The following TANC2 variants were observed in gnomAD, a reference collection of about 807,000 sequenced individuals.
TANC2 encodes tetratricopeptide repeat, ankyrin repeat and coiled-coil containing 2.
TANC2 carries 26 observed loss-of-function variants against 210.5 expected under a neutral mutation model. The ratio of observed to expected loss-of-function variants is 0.12; its 90% CI spans 0.09 to 0.17. The LOEUF (loss-of-function observed/expected upper bound fraction) is 0.17. Among genes scored for constraint, TANC2 ranks in the 10% least tolerant of loss-of-function variants. The pLI is 1.00. For missense variants in TANC2, 2,129 were observed against 2,608.9 expected (o/e 0.82, Z 4.01); for synonymous variants, 931 against 967.1 (o/e 0.96, Z 0.69).
At chr17:63,325,776 G>A (rs2045627967) in intron 11 of TANC2, among the ~76,000 whole-genome samples, 1 of 152,176 alleles carries the variant, frequency 6.6e-6, no homozygotes. Context: ...AATTTATAAG[G>A]TCAATTCAGA....
chr17:63,040,311 A>G (rs1039620434), intron 2 of TANC2, among the ~76,000 whole-genome samples: 2 of 152,202 alleles, frequency 1.3e-5, no homozygotes, highest in Admixed American at 6.6e-5. Flanking sequence ...GGTTTCTTGA[A>G]CAATGTTCAG....
chr17:62,983,976 C>A (rs986740494), intron 1 of TANC2, among the ~76,000 whole-genome samples: 4 of 151,816 alleles, frequency 2.6e-5, no homozygotes, highest in African/African-American at 9.7e-5. Context: ...GTTATGTTGG[C>A]CTTATACAAT....
At chr17:63,063,110 T>C (rs2036054836) in intron 2 of TANC2, among the ~76,000 whole-genome samples, 1 of 152,194 alleles carries the variant, frequency 6.6e-6, no homozygotes, top group Non-Finnish European at 1.5e-5. Context: ...GGAAACACTT[T>C]ACACATGTTT....
At chr17:63,103,302 A>G (rs894794668) in intron 4 of TANC2, among the ~76,000 whole-genome samples, 3 of 152,198 alleles carry the variant, frequency 2.0e-5, no homozygotes, top group African/African-American at 7.2e-5. Flanking sequence ...ATTTGCAGAT[A>G]TAGGTCCATT....
intron 18 of TANC2, among the ~76,000 whole-genome samples, chr17:63,398,307 T>G (rs1026397912): frequency 3.9e-5 from 6 of 152,008 alleles, no homozygotes; most frequent in African/African-American, 9.7e-5. Context: ...ACTTTTTTAA[T>G]TAGCCAGGTG....
intron 6 of TANC2, chr17:63,197,685 T>C (rs1462458554): frequency 1.3e-5 from 2 of 152,218 alleles, no homozygotes; most frequent in Non-Finnish European, 2.9e-5. Flanking sequence ...ATTTCCTCTT[T>C]AGCTTCTTAT....
chr17:63,395,612 C>A, intron 17 of TANC2, 131 bp from the exon 18 acceptor site: 1 of 759,412 alleles, frequency 1.3e-6, no homozygotes, highest in Non-Finnish European at 2.1e-6. Flanking sequence ...CCTGAATTTG[C>A]TCAGAGATTG....
At chr17:63,246,176 A>C (rs2146117227) in intron 8 of TANC2, among the ~76,000 whole-genome samples, 1 of 152,096 alleles carries the variant, frequency 6.6e-6, no homozygotes, top group Admixed American at 6.5e-5. Flanking sequence ...ACAAATAGAT[A>C]ATTTATTTAA....
At chr17:63,002,364 A>G (rs1179046320) in intron 1 of TANC2, among the ~76,000 whole-genome samples, 1 of 152,200 alleles carries the variant, frequency 6.6e-6, no homozygotes, top group Admixed American at 6.5e-5. Context: ...TAGTTATCGC[A>G]TGTATATCCA....
At position 63,420,151 on chromosome 17, in the gene TANC2, A is replaced by T. The variant is rs1411982789; in HGVS notation, c.4421A>T (p.Gln1474Leu). 6.4e-7 allele frequency: 1 copy of T among 1,560,734 alleles called. No homozygotes were observed. Among genetic ancestry groups the T allele is most frequent in the South Asian group, 1.2e-5 (1 of 85,002 alleles). ...CCGCCGCCACCGCAGCCTCAGCAGC[A>T]GTTGCCGGAAGAAGCAGAACCTGAG... Residue 1474 changes from glutamine to leucine, a missense_variant, in exon 28 of 28, where the codon CAG becomes CTG. By Grantham distance (113) the Gln-to-Leu change is moderately radical (BLOSUM62 -2). This residue lies in a region of TANC2 where 584 missense variants were observed against 627.3 expected (regional missense o/e 0.93). Transcript: ENST00000689528. This position sits in a 1 kb window ranked among gnomAD's most constrained non-coding sequence, Gnocchi z 4.2.
At position 63,412,066 on chromosome 17, in the gene TANC2, T is replaced by G. The variant is rs746505172; in HGVS notation, c.3834T>G (p.Asp1278Glu). The change falls in exon 23 of 28, where the codon GAT (aspartate) becomes GAG (glutamate). Residue 1278 changes from aspartate (D) to glutamate (E), a missense_variant. Asp to Glu is a conservative substitution (Grantham distance 45). Coordinates refer to ENST00000689528, the Ensembl canonical transcript of TANC2. The surrounding 1 kb of genome is among the most constrained non-coding windows in gnomAD (Gnocchi z 4.2). ...ACTACAGTGGAATGCGCCCTTTGGA[T>G]AGGGCAGTGGGGTGCCGGAACACTT... The G allele has an allele frequency of 6.2e-7, 1 of 1,613,872 alleles. No individual in the cohort carries two copies. Among genetic ancestry groups the G allele is most frequent in the Admixed American group, 1.7e-5 (1 of 60,018 alleles).
chr17:63,225,680 C>T (rs909616647), intron 7 of TANC2, among the ~76,000 whole-genome samples: 2 of 152,110 alleles, frequency 1.3e-5, no homozygotes, highest in East Asian at 3.9e-4. Flanking sequence ...GCATTTTTAC[C>T]TCATTCTTTA....
intron 3 of TANC2, among the ~76,000 whole-genome samples, chr17:63,097,085 G>C (rs1029273085): frequency 1.3e-5 from 2 of 151,270 alleles, no homozygotes; most frequent in African/African-American, 4.9e-5. Context: ...CTGTCACCCA[G>C]GCTAGAGTGC....
intron 1 of TANC2, among the ~76,000 whole-genome samples, chr17:62,997,116 CTTTT>C (rs74374010): frequency 5.0e-5 from 6 of 120,956 alleles, no homozygotes; most frequent in East Asian, 2.4e-4. Context: ...CACCCAGCCT[CTTTT>C]TTTTTTTTTT....
At chr17:63,256,255 T>C (rs916164794) in intron 8 of TANC2, among the ~76,000 whole-genome samples, 2 of 152,234 alleles carry the variant, frequency 1.3e-5, no homozygotes, top group Non-Finnish European at 2.9e-5. Flanking sequence ...TTCCTCTTAA[T>C]ACTGCTTTCA....
chr17:63,158,282 T>C (rs1162829166), intron 5 of TANC2, among the ~76,000 whole-genome samples: 1 of 152,254 alleles, frequency 6.6e-6, no homozygotes, highest in Non-Finnish European at 1.5e-5. Flanking sequence ...GTGTTTGTGA[T>C]AGTTAAATAA....
chr17:63,396,089 A>C, intron 18 of TANC2, 161 bp downstream of exon 18: 1 of 663,700 alleles, frequency 1.5e-6, no homozygotes, highest in South Asian at 2.0e-5. Flanking sequence ...GAAGCACTTT[A>C]CTCAAATGCC....
At chr17:63,032,893 C>A (rs1174929677) in intron 2 of TANC2, among the ~76,000 whole-genome samples, 1 of 152,132 alleles carries the variant, frequency 6.6e-6, no homozygotes, top group Non-Finnish European at 1.5e-5. Context: ...CACTAATTGC[C>A]AAGTCTAGAC....
chr17:63,002,054 T>A (rs1008793022), intron 1 of TANC2, among the ~76,000 whole-genome samples: 2 of 152,186 alleles, frequency 1.3e-5, no homozygotes, highest in African/African-American at 4.8e-5. Flanking sequence ...GACAATCAGG[T>A]ATATAAGATG....
Sources: allele counts gnomAD v4.1 joint callset (sites outside exome capture counted in the v4.1 genomes callset), GRCh38; gene constraint gnomAD v4.1.1; regional missense constraint gnomAD v4.1.1; non-coding constraint Gnocchi (gnomAD v3.1); transcripts MANE v1.5; gene names NCBI Gene and HGNC (gene_info 2026-07-23, HGNC 2026-07-21).